The following SGCD variants were observed in gnomAD, a reference collection of about 807,000 sequenced individuals.
SGCD encodes delta-sarcoglycan.
A neutral mutation model predicts 36.6 loss-of-function variants in SGCD; 18 were observed. The ratio of observed to expected loss-of-function variants is 0.49; its 90% CI spans 0.34 to 0.73. SGCD has a LOEUF of 0.73. Ranked by LOEUF, SGCD falls within the 30% of genes least tolerant of loss-of-function variation. SGCD has a pLI of 0.01. For missense variants in SGCD, 387 were observed against 346.7 expected, an observed-to-expected ratio of 1.12 and a Z score of -0.92; for synonymous variants, 133 against 130.6, an observed-to-expected ratio of 1.02 and a Z score of -0.12.
intron 3 of SGCD, among the ~76,000 whole-genome samples, chr5:156,413,044 G>A (rs1209100687): frequency 2.0e-5 from 3 of 151,900 alleles, no homozygotes; most frequent in Non-Finnish European, 4.4e-5. Flanking sequence ...TGATCCACCT[G>A]CCTCGGCCTC....
intron 6 of SGCD, among the ~76,000 whole-genome samples, chr5:156,603,612 T>G (rs1049941491): frequency 3.9e-5 from 6 of 152,060 alleles, no homozygotes; most frequent in African/African-American, 1.4e-4. Context: ...GCATGATGTG[T>G]TTTTATTCTT....
chr5:156,004,800 G>A lies in SGCD; in HGVS notation c.-281-113078G>A, dbSNP rs376056358. On this transcript the variant is annotated intron_variant, in intron 1 of 9. Transcript: ENST00000517913. Reference sequence around the variant, plus strand: ...CTACCCTTTAAATAAATAAACACACGCATTCTTGGCTCTAGCCAAACTGAA... The same window carrying A: ...CTACCCTTTAAATAAATAAACACACACATTCTTGGCTCTAGCCAAACTGAA... 1.2e-4 allele frequency among the ~76,000 whole-genome samples: 18 copies of A among 152,314 alleles called. No homozygotes were observed. The South Asian group carries it at 1.2e-3, about 11-fold the overall frequency.
intron 4 of SGCD, among the ~76,000 whole-genome samples, chr5:156,512,847 G>A (rs891907): frequency 0.33 from 50,665 of 151,834 alleles, 8,719 homozygotes; most frequent in African/African-American, 0.38. Flanking sequence ...AAGAGTATCT[G>A]AATAATGTTA....
chr5:156,110,358 T>C (rs1174029628), intron 1 of SGCD, among the ~76,000 whole-genome samples: 2 of 152,230 alleles, frequency 1.3e-5, no homozygotes, highest in African/African-American at 4.8e-5. Context: ...GGCTTTATTA[T>C]ATTTCTTCCC....
At chr5:156,676,847 C>G (rs930639030) in intron 7 of SGCD, among the ~76,000 whole-genome samples, 2 of 152,158 alleles carry the variant, frequency 1.3e-5, no homozygotes, top group African/African-American at 4.8e-5. Context: ...TATTTGAATG[C>G]TTGCTATGTG....
At chr5:155,950,097 G>C (rs1026479591) in intron 1 of SGCD, among the ~76,000 whole-genome samples, 1 of 152,158 alleles carries the variant, frequency 6.6e-6, no homozygotes, top group Non-Finnish European at 1.5e-5. Context: ...TTTGCAAAAA[G>C]AGAATCTATT....
At chr5:155,870,624 G>C (rs1260340695) in intron 1 of SGCD, among the ~76,000 whole-genome samples, 1 of 152,100 alleles carries the variant, frequency 6.6e-6, no homozygotes, top group Non-Finnish European at 1.5e-5. Flanking sequence ...TCTGATGATT[G>C]TATTCTCTGC....
At chr5:156,399,101 T>C (rs1772010132) in intron 3 of SGCD, among the ~76,000 whole-genome samples, 1 of 152,228 alleles carries the variant, frequency 6.6e-6, no homozygotes, top group Admixed American at 6.5e-5. Context: ...GATCTATTAA[T>C]ATTACTATTA....
At chr5:156,149,890 C>T (rs1762793801) in intron 3 of SGCD, among the ~76,000 whole-genome samples, 1 of 152,184 alleles carries the variant, frequency 6.6e-6, no homozygotes, top group Non-Finnish European at 1.5e-5. Flanking sequence ...AATGTACTGG[C>T]AGGCTTCATT....
upstream of SGCD, among the ~76,000 whole-genome samples, chr5:156,322,073 C>T (rs1403603768): frequency 6.6e-6 from 1 of 152,150 alleles, no homozygotes; most frequent in East Asian, 1.9e-4. Flanking sequence ...AAGTCAGTGG[C>T]ACAACAGACC....
chr5:156,588,865 T>G (rs1760601089), intron 4 of SGCD, among the ~76,000 whole-genome samples: 2 of 152,210 alleles, frequency 1.3e-5, no homozygotes, highest in African/African-American at 2.4e-5. Context: ...TAGGAGATTA[T>G]CATTCATTTC....
intron 1 of SGCD, among the ~76,000 whole-genome samples, chr5:155,949,816 C>T (rs1191923059): frequency 1.3e-5 from 2 of 152,212 alleles, no homozygotes; most frequent in East Asian, 3.9e-4. Context: ...TACAGTCTGG[C>T]CCTTGACAGA....
intron 1 of SGCD, among the ~76,000 whole-genome samples, chr5:155,941,946 G>A (rs116358524): frequency 3.7e-4 from 57 of 152,288 alleles, no homozygotes; most frequent in African/African-American, 1.3e-3. Context: ...GCCTCCTAGT[G>A]CAGAGAAGGT....
the SGCD span, among the ~76,000 whole-genome samples, chr5:155,850,343 TA>T: frequency 9.1e-4 from 139 of 152,000 alleles, no homozygotes; most frequent in African/African-American, 3.2e-3. Flanking sequence ...CAGAGAGGGA[TA>T]AGAGTCCTGT....
At chr5:156,463,983 C>A (rs1043490370) in intron 3 of SGCD, among the ~76,000 whole-genome samples, 13 of 152,108 alleles carry the variant, frequency 8.5e-5, no homozygotes, top group African/African-American at 1.2e-4. Flanking sequence ...AACAAAGCTG[C>A]TCAGCTAATG....
chr5:155,877,970 A>C (rs887820234), intron 1 of SGCD, among the ~76,000 whole-genome samples: 1 of 152,064 alleles, frequency 6.6e-6, no homozygotes, highest in African/African-American at 2.4e-5. Context: ...TTTGTTTAGC[A>C]GTTAAAGTAA....
At chr5:156,122,716 A>C (rs999131046) in intron 2 of SGCD, among the ~76,000 whole-genome samples, 1 of 151,740 alleles carries the variant, frequency 6.6e-6, no homozygotes, top group Non-Finnish European at 1.5e-5. Flanking sequence ...GAAGGTTTTG[A>C]GCAGGGGAGT....
At chr5:156,618,764 G>A (rs1254331017) in intron 6 of SGCD, among the ~76,000 whole-genome samples, 1 of 151,984 alleles carries the variant, frequency 6.6e-6, no homozygotes, top group Non-Finnish European at 1.5e-5. Context: ...CATTTGTTGG[G>A]CCCCACACAG....
chr5:156,155,512 A>G (rs756572357), intron 3 of SGCD, among the ~76,000 whole-genome samples: 1 of 150,992 alleles, frequency 6.6e-6, no homozygotes, highest in Non-Finnish European at 1.5e-5. Context: ...CAACCTAGCT[A>G]TGTCTTGAAC....
Sources: gnomAD v4.1 joint callset for allele counts (sites outside exome capture counted in the v4.1 genomes callset) on GRCh38, gnomAD v4.1.1 for gene constraint, MANE v1.5 for transcripts, NCBI Gene and HGNC (gene_info 2026-07-23, HGNC 2026-07-21) for gene names.